PSMA3: variants seen among roughly 807,000 people sequenced by gnomAD.
PSMA3 encodes the protein proteasome 20S subunit alpha 3, also known as proteasome subunit alpha type-3.
In PSMA3, 8 loss-of-function variants were observed where a neutral mutation model predicts 40.0. The observed-to-expected ratio is 0.20, with a 90% CI of 0.12 to 0.36. The LOEUF (loss-of-function observed/expected upper bound fraction) is 0.36, where lower values mean the gene tolerates loss of function less well. Among genes scored for constraint, PSMA3 ranks in the 10% least tolerant of loss-of-function variants. PSMA3 has a pLI of 1.00. For synonymous variants in PSMA3, 110 were observed against 100.0 expected (o/e 1.10, Z -0.59); for missense variants, 219 against 310.6 (o/e 0.70, Z 2.22).
intron 8 of PSMA3, chr14:58,269,717 G>A (rs1303210174): frequency 6.6e-6 from 1 of 152,158 alleles, no homozygotes; most frequent in Non-Finnish European, 1.5e-5. Context: ...ACAGGCACGA[G>A]CCACCATGTC....
chr14:58,246,992 T>G (rs1208730423), intron 1 of PSMA3, among the ~76,000 whole-genome samples: 1 of 152,226 alleles, frequency 6.6e-6, no homozygotes, highest in Non-Finnish European at 1.5e-5. Context: ...TAACACAGTT[T>G]ACTCTTCTTT....
Position 58,260,134 on chromosome 14 carries a change from G to T in PSMA3, c.405-814G>T, listed in dbSNP as rs560981434. ...CAAATATAGTTGTCCCTTGGTATTT[G>T]TGGGGGATTGGTTTTAGGACCTCCC... On this transcript the variant is annotated intron_variant, in intron 5 of 10. Coordinates refer to ENST00000216455, the MANE Select transcript of PSMA3 (RefSeq NM_002788.4). Among the ~76,000 whole-genome samples, 22 of 152,286 alleles carry T rather than the reference G, an allele frequency of 1.4e-4. No homozygotes were observed. In the South Asian group the frequency reaches 3.3e-3, roughly 23 times the overall value.
intron 2 of PSMA3, 43 bp downstream of exon 2, chr14:58,247,875 T>C (rs773793576): frequency 1.4e-6 from 2 of 1,391,166 alleles, no homozygotes; most frequent in Admixed American, 2.1e-5. Context: ...CCTTTTATTT[T>C]ATATATTTTT....
rs1486244774 is a variant in PSMA3 at position 58,270,555 on chromosome 14, CCTTT to C, written c.658+73_658+76del. ...CCACAGCTAATTTACAACTGAGTGT[CCTTT>C]CTAATATAATGAAAGCTAAAGCAAA... On this transcript the variant is annotated intron_variant, in intron 9 of 10. Transcript: ENST00000216455. 12 of 1,600,022 alleles carry C rather than the reference CCTTT, an allele frequency of 7.5e-6. No individual in the cohort carries two copies. The East Asian group carries it at 2.7e-4, about 36-fold the overall frequency.
At position 58,252,247 on chromosome 14, in the gene PSMA3, G is replaced by A. The variant is rs774817165; in HGVS notation, c.228+5G>A. The stretch of plus-strand genomic sequence containing the variant: ...GTTGATCGGCATGTTGGAATGGTAA[G>A]GTCATGTTTAAAATGTTCCTTTTTG... On this transcript the variant is annotated splice_donor_5th_base_variant and intron_variant, in intron 3 of 10. Coordinates refer to ENST00000216455, the MANE Select transcript of PSMA3 (RefSeq NM_002788.4). The A allele has an allele frequency of 1.2e-6, 2 of 1,603,560 alleles. No homozygotes were observed. Among genetic ancestry groups the A allele is most frequent in the African/African-American group, 1.4e-5 (1 of 74,066 alleles).
chr14:58,252,014 T>C lies in PSMA3; in HGVS notation c.105-105T>C, dbSNP rs759490569. The C allele has an allele frequency of 4.6e-5, 52 of 1,135,850 alleles. 1 individual carries two copies. The highest frequency in any genetic ancestry group is 6.3e-5 in the Non-Finnish European group (51 of 809,986). The allele number at this position is 1,135,850 out of a possible 1,614,324, so 70.4% of individuals were successfully genotyped here. A position where few individuals can be genotyped will look rare whatever the true frequency, so the allele number is the denominator to read the frequency against. On this transcript the variant is annotated intron_variant, in intron 2 of 10. Transcript: ENST00000216455. ...CTGGTTTTCAAATGTTTTAAGGTATTTGGCATGCCTTAAATGTTACTTATT... is the reference window on the plus strand; with the variant it reads ...CTGGTTTTCAAATGTTTTAAGGTATCTGGCATGCCTTAAATGTTACTTATT...
Position 58,244,941 on chromosome 14 carries a change from G to T in PSMA3, c.21G>T (p.Gly7=), listed in dbSNP as rs748039999. ...GCACGATGAGCTCAATCGGCACTGGGGTGAGTTCGCTGTCTGTCGGTGTAA... is the reference window on the plus strand; with the variant it reads ...GCACGATGAGCTCAATCGGCACTGGTGTGAGTTCGCTGTCTGTCGGTGTAA... The part of the protein sequence containing the change: MSSIGT[G]YDLSASTFSP... The change falls in exon 1 of 11, where the codon GGG becomes GGT. Residue 7 remains glycine (G), a splice_region_variant and synonymous_variant. Coordinates refer to ENST00000216455, the MANE Select transcript of PSMA3 (RefSeq NM_002788.4). 3 of 1,614,196 alleles carry T rather than the reference G, an allele frequency of 1.9e-6. No homozygotes were observed. Among genetic ancestry groups the T allele is most frequent in the Non-Finnish European group, 1.7e-6 (2 of 1,180,032 alleles).
chr14:58,250,220 CAA>C (rs10634649), intron 2 of PSMA3, among the ~76,000 whole-genome samples: 14 of 92,984 alleles, frequency 1.5e-4, no homozygotes, highest in Admixed American at 2.6e-4. Context: ...ACTCCATCTC[CAA>C]AAAAAAAAAA....
intron 1 of PSMA3, among the ~76,000 whole-genome samples, chr14:58,247,241 G>A (rs1387824734): frequency 2.0e-5 from 3 of 152,110 alleles, no homozygotes; most frequent in African/African-American, 7.2e-5. Context: ...TCATCTTAGT[G>A]CCTTTTCTGA....
chr14:58,254,577 C>T (rs570947049), intron 3 of PSMA3, among the ~76,000 whole-genome samples: 1 of 151,352 alleles, frequency 6.6e-6, no homozygotes, highest in Non-Finnish European at 1.5e-5. Context: ...CTCAAGCGAT[C>T]CTCCCGCCTC....
intron 2 of PSMA3, 41 bp from the exon 3 acceptor site, chr14:58,252,078 T>C: frequency 6.4e-7 from 1 of 1,557,298 alleles, no homozygotes; most frequent in Middle Eastern, 1.9e-4. Flanking sequence ...AAGTTTCTTT[T>C]ATTTTCAGTT....
chr14:58,258,736 TGACTA>T (rs1890204624), intron 5 of PSMA3, among the ~76,000 whole-genome samples: 1 of 151,182 alleles, frequency 6.6e-6, no homozygotes, highest in Admixed American at 6.6e-5. Flanking sequence ...AGAAGACTTG[TGACTA>T]GATTTTTCTA....
Position 58,246,195 on chromosome 14 carries a change from G to T in PSMA3, c.21+1254G>T, listed in dbSNP as rs1889876073. ...TCCAGATACGAATATTTGTTTGTCT[G>T]CTTGACATGTCTGTTCACTTGATCG... On this transcript the variant is annotated intron_variant, in intron 1 of 10. Coordinates refer to ENST00000216455, the MANE Select transcript of PSMA3 (RefSeq NM_002788.4). Among the ~76,000 whole-genome samples, 7 of 152,166 alleles carry T rather than the reference G, an allele frequency of 4.6e-5. No homozygotes were observed. The South Asian group carries it at 1.5e-3, about 32-fold the overall frequency.
chr14:58,263,942 C>G lies in PSMA3; in HGVS notation c.543+172C>G, dbSNP rs551065250. Among the ~76,000 whole-genome samples, 6 of 152,270 alleles carry G rather than the reference C, an allele frequency of 3.9e-5. No homozygotes were observed. In the East Asian group the frequency reaches 1.2e-3, roughly 29 times the overall value. ...TGATGAGCTTAAAAAAAAATCTCATCATGTGTTAAGAAAGTTTACGAATTT... is the reference window on the plus strand; with the variant it reads ...TGATGAGCTTAAAAAAAAATCTCATGATGTGTTAAGAAAGTTTACGAATTT... On this transcript the variant is annotated intron_variant, in intron 7 of 10. Coordinates refer to ENST00000216455, the MANE Select transcript of PSMA3 (RefSeq NM_002788.4).
In PSMA3 at chr14:58,271,888, A is replaced by G. The variant is rs1890637073; in HGVS notation, c.761A>G (p.Asn254Ser). The change falls in exon 11 of 11, where the codon AAT becomes AGT. Residue 254 changes from asparagine (N) to serine (S), a missense_variant. Asn to Ser is a conservative substitution (Grantham distance 46). Transcript: ENST00000216455. ...GAAGAAGATGAATCAGATGATGATA[A>G]TATGTAACATTTACTCCAGCATCTA... ...LKEEDESDDD[N>S]M 6.3e-7 allele frequency: 1 copy of G among 1,585,396 alleles called. No homozygotes were observed. Among genetic ancestry groups the G allele is most frequent in the Admixed American group, 1.7e-5 (1 of 59,816 alleles).
At chr14:58,255,544 G>A (rs982148861) in intron 3 of PSMA3, among the ~76,000 whole-genome samples, 21 of 152,128 alleles carry the variant, frequency 1.4e-4, no homozygotes, top group African/African-American at 4.8e-4. Context: ...CAAGGCGGGC[G>A]GATCACCTGA....
chr14:58,258,167 A>G, intron 5 of PSMA3, 169 bp downstream of exon 5: 1 of 568,634 alleles, frequency 1.8e-6, no homozygotes, highest in Non-Finnish European at 3.1e-6. Flanking sequence ...GCTGGGTGCC[A>G]TGGCTCAAGC....
At chr14:58,266,927 G>T (rs1453843667) in intron 7 of PSMA3, 1 of 152,172 alleles carries the variant, frequency 6.6e-6, no homozygotes, top group Admixed American at 6.6e-5. Flanking sequence ...GATGGCTGTG[G>T]ATTTTTATAA....
chr14:58,259,619 CTTT>C (rs1890225060), intron 5 of PSMA3, among the ~76,000 whole-genome samples: 1 of 152,106 alleles, frequency 6.6e-6, no homozygotes, highest in Admixed American at 6.6e-5. Flanking sequence ...CCAGAGAGAA[CTTT>C]TTTAGTAAAC....
Sources: allele counts gnomAD v4.1 joint callset (sites outside exome capture counted in the v4.1 genomes callset), GRCh38; gene constraint gnomAD v4.1.1; transcripts MANE v1.5; gene names NCBI Gene and HGNC (gene_info 2026-07-23, HGNC 2026-07-21).